The following AMT variants were observed in gnomAD, a reference collection of about 807,000 sequenced individuals.
AMT encodes aminomethyltransferase, mitochondrial.
A neutral mutation model predicts 39.5 loss-of-function variants in AMT; 24 were observed. The ratio of observed to expected loss-of-function variants is 0.61; its 90% CI spans 0.44 to 0.86. The LOEUF is 0.86. Ranked by LOEUF, AMT falls within the 40% of genes least tolerant of loss-of-function variation. The pLI, the probability that AMT is intolerant of heterozygous loss-of-function variation, is 0.00. For synonymous variants in AMT, 210 were observed against 212.1 expected (o/e 0.99, Z 0.09); for missense variants, 501 against 537.0 (o/e 0.93, Z 0.66).
Position 49,417,484 on chromosome 3 carries a change from C to G in AMT, c.*56G>C. 1.2e-6 allele frequency: 2 copies of G among 1,614,112 alleles called. No homozygotes were observed. Among genetic ancestry groups the G allele is most frequent in the Non-Finnish European group, 1.7e-6 (2 of 1,180,024 alleles). On this transcript the variant is annotated 3_prime_UTR_variant, in exon 9 of 9. Coordinates refer to ENST00000273588, the MANE Select transcript of AMT (RefSeq NM_000481.4). ...AGTGAGTTCTGCCTCAGCTTCTTGA[C>G]TAACCCCTTGTAGGGGCAAAACTCC...
In AMT at chr3:49,419,242, C is replaced by A. The variant is rs1460272548; in HGVS notation, c.696+18G>T. On this transcript the variant is annotated intron_variant, in intron 6 of 8. Transcript: ENST00000273588. ...CATCCTGTGCCCTGTACTGCCCCCA[C>A]ACCACTTCTTGACACACCTCCACAC... 4 of 1,614,012 alleles carry A rather than the reference C, an allele frequency of 2.5e-6. No individual in the cohort carries two copies. In the African/African-American group the frequency reaches 5.3e-5, roughly 22 times the overall value.
In AMT at chr3:49,420,190, T is replaced by C. The variant is rs528110336; in HGVS notation, c.471+21A>G. ...CTATGAACAAGGAAGACAAGGTGTC[T>C]AGAACACAGAGGGGGTATACCTGCA... On this transcript the variant is annotated intron_variant, in intron 4 of 8. Coordinates refer to ENST00000273588, the MANE Select transcript of AMT (RefSeq NM_000481.4). 8 of 1,614,088 alleles carry C rather than the reference T, an allele frequency of 5.0e-6. No homozygotes were observed. In the African/African-American group the frequency reaches 9.3e-5, roughly 19 times the overall value.
chr3:49,422,305 C>T, intron 1 of AMT, 34 bp from the exon 2 acceptor site: 2 of 1,613,694 alleles, frequency 1.2e-6, no homozygotes, highest in Non-Finnish European at 1.7e-6. Flanking sequence ...CACCAGGGCC[C>T]TAGCCCCCAG....
chr3:49,422,311 C>T, intron 1 of AMT, 40 bp from the exon 2 acceptor site: 1 of 1,613,882 alleles, frequency 6.2e-7, no homozygotes, highest in Non-Finnish European at 8.5e-7. Flanking sequence ...GGCCCTAGCC[C>T]CCAGCCGCTT....
At chr3:49,422,340 G>C (rs2049122106) in intron 1 of AMT, 21 bp downstream of exon 1, 2 of 1,446,430 alleles carry the variant, frequency 1.4e-6, no homozygotes, top group Middle Eastern at 1.8e-4. Flanking sequence ...CACCCTCCAA[G>C]ATCAGCACCC....
At chr3:49,418,055 A>G (rs749318722) in intron 7 of AMT, 82 bp from the exon 8 acceptor site, 172 of 1,503,432 alleles carry the variant, frequency 1.1e-4, no homozygotes, top group Non-Finnish European at 1.5e-4. Context: ...CTCAAGTAAC[A>G]CACTATCTAG....
At position 49,417,734 on chromosome 3, in the gene AMT, A is replaced by C. The variant is rs1219437833; in HGVS notation, c.1034-16T>G. 6.2e-7 allele frequency: 1 copy of C among 1,613,814 alleles called. No individual in the cohort carries two copies. Among genetic ancestry groups the C allele is most frequent in the Admixed American group, 1.7e-5 (1 of 59,972 alleles). The stretch of plus-strand genomic sequence containing the variant: ...GTCACAGTACCTGTCAAGCAAGCAT[A>C]AGCCACGCATCAGCACCACCCTGCC... On this transcript the variant is annotated splice_polypyrimidine_tract_variant and intron_variant, in intron 8 of 8. Transcript: ENST00000273588.
chr3:49,421,948 G>A, intron 2 of AMT, 156 bp downstream of exon 2: 1 of 1,019,372 alleles, frequency 9.8e-7, no homozygotes, highest in South Asian at 1.3e-5. Context: ...TCATTTCCTT[G>A]GGGCCATTGA....
intron 7 of AMT, chr3:49,418,494 C>CTTTTTTT (rs3049036): frequency 0.023 from 1,516 of 64,638 alleles, 95 homozygotes; most frequent in East Asian, 0.066. Context: ...TCTTCAGTTT[C>CTTTTTTT]TTTTTTTTTT....
At position 49,418,172 on chromosome 3, in the gene AMT, G is replaced by A. The variant is rs370801349; in HGVS notation, c.878-199C>T. Reference sequence around the variant, plus strand: ...CTGGAGGCCATGCTGCCCACCTGCCGAGCGTCTTCAGTTTCTTTTTTTTTT... The same window carrying A: ...CTGGAGGCCATGCTGCCCACCTGCCAAGCGTCTTCAGTTTCTTTTTTTTTT... On this transcript the variant is annotated intron_variant, in intron 7 of 8. Coordinates refer to ENST00000273588, the MANE Select transcript of AMT (RefSeq NM_000481.4). 305 of 633,398 alleles carry A rather than the reference G, an allele frequency of 4.8e-4. 3 individuals carry two copies. The South Asian group carries it at 5.6e-3, about 12-fold the overall frequency. The allele number at this position is 633,398 out of a possible 1,614,324, so 39.2% of individuals were successfully genotyped here.
Position 49,420,338 on chromosome 3 carries a change from G to A in AMT, c.344C>T (p.Thr115Ile), listed in dbSNP as rs758774866. 2 of 1,614,156 alleles carry A rather than the reference G, an allele frequency of 1.2e-6. No individual in the cohort carries two copies. Among genetic ancestry groups the A allele is most frequent in the East Asian group, 4.5e-5 (2 of 44,890 alleles). ...DIAELRPNQG[T>I]LSLFTNEAGG... ...AGCCTCGTTGGTAAACAGCGACAGTGTCCCCTAGGACCAAAGTGGAGCGTT... is the reference window on the plus strand; with the variant it reads ...AGCCTCGTTGGTAAACAGCGACAGTATCCCCTAGGACCAAAGTGGAGCGTT... The change falls in exon 4 of 9, where the codon ACA (threonine) becomes ATA (isoleucine). Residue 115 changes from threonine (T) to isoleucine (I), a missense_variant. By Grantham distance (89) the Thr-to-Ile change is moderately conservative. Transcript: ENST00000273588.
At chr3:49,419,556 T>C in intron 5 of AMT, 151 bp from the exon 6 acceptor site, 4 of 1,456,000 alleles carry the variant, frequency 2.7e-6, no homozygotes, top group Non-Finnish European at 3.8e-6. Context: ...TGGAGCCTTG[T>C]GGTAGGTAGG....
chr3:49,419,688 A>G, intron 5 of AMT, 22 bp downstream of exon 5: 1 of 1,613,636 alleles, frequency 6.2e-7, no homozygotes, highest in Non-Finnish European at 8.5e-7. Context: ...GGTTGGCTCC[A>G]ACCCCAGCCC....
intron 7 of AMT, 198 bp from the exon 8 acceptor site, chr3:49,418,171 C>G: frequency 3.1e-6 from 2 of 635,242 alleles, no homozygotes; most frequent in Non-Finnish European, 5.4e-6. Flanking sequence ...GCCCACCTGC[C>G]GAGCGTCTTC....
chr3:49,422,061 G>A (rs1254495786), intron 2 of AMT, 43 bp downstream of exon 2: 5 of 1,612,366 alleles, frequency 3.1e-6, no homozygotes, highest in Middle Eastern at 1.6e-4. Flanking sequence ...TGTAAACAGG[G>A]AGGAAGGCCT....
chr3:49,418,835 C>A (rs966997259), intron 7 of AMT, 136 bp downstream of exon 7: 2 of 944,048 alleles, frequency 2.1e-6, no homozygotes, highest in East Asian at 2.6e-5. Context: ...GGCAAAGGCA[C>A]AGTGGCACCT....
intron 5 of AMT, 114 bp from the exon 6 acceptor site, chr3:49,419,519 G>C (rs2049063106): frequency 6.5e-7 from 1 of 1,534,694 alleles, no homozygotes; most frequent in African/African-American, 1.4e-5. Context: ...TCTGCAAGTG[G>C]GAGAAGATGC....
chr3:49,418,159 C>G (rs2049031869), intron 7 of AMT, 186 bp from the exon 8 acceptor site: 1 of 664,438 alleles, frequency 1.5e-6, no homozygotes, highest in Non-Finnish European at 2.6e-6. Context: ...GGAGGCCATG[C>G]TGCCCACCTG....
In AMT at chr3:49,419,286, C is replaced by A. The variant is rs2049057871; in HGVS notation, c.670G>T (p.Gly224Cys). 1.2e-6 allele frequency: 2 copies of A among 1,614,060 alleles called. No homozygotes were observed. The highest frequency in any genetic ancestry group is 2.7e-5 in the African/African-American group (2 of 74,916). ...TCCACACCATCCTCTCCTGTGTAGCCACAGCGGGTCACGCGGCAGCCAGAC... is the reference window on the plus strand; with the variant it reads ...TCCACACCATCCTCTCCTGTGTAGCAACAGCGGGTCACGCGGCAGCCAGAC... The part of the protein sequence containing the change: ...GVSGCRVTRC[G>C]YTGEDGVEIS... The change falls in exon 6 of 9, where the codon GGC becomes TGC. Residue 224 changes from glycine to cysteine, a missense_variant. Physicochemically the swap from Gly to Cys is radical, Grantham distance 159 (BLOSUM62 -3). Transcript: ENST00000273588.
Sources: allele counts gnomAD v4.1 joint callset, GRCh38; gene constraint gnomAD v4.1.1; transcripts MANE v1.5; gene names NCBI Gene and HGNC (gene_info 2026-07-23, HGNC 2026-07-21).